Variants in PPP2R5E observed in about 807,000 individuals in gnomAD.
The protein encoded by PPP2R5E is serine/threonine-protein phosphatase 2A 56 kDa regulatory subunit epsilon isoform.
A neutral mutation model predicts 65.3 loss-of-function variants in PPP2R5E; 4 were observed. The observed-to-expected ratio is 0.06, with a 90% CI of 0.03 to 0.14. PPP2R5E has a LOEUF of 0.14. Among genes scored for constraint, PPP2R5E ranks in the 10% least tolerant of loss-of-function variants. The probability of loss-of-function intolerance (pLI) is 1.00; values close to 1 mark genes in which losing one functional copy is unlikely to be tolerated. For synonymous variants in PPP2R5E, 183 were observed against 187.4 expected, an observed-to-expected ratio of 0.98 and a Z score of 0.19; for missense variants, 274 against 556.1, an observed-to-expected ratio of 0.49 and a Z score of 5.10.
At chr14:63,483,401 A>G (rs1289554284) in intron 2 of PPP2R5E, among the ~76,000 whole-genome samples, 2 of 150,800 alleles carry the variant, frequency 1.3e-5, no homozygotes, top group Middle Eastern at 3.4e-3. Flanking sequence ...AAGTAGTGAT[A>G]TCTGAGCCAA....
intron 2 of PPP2R5E, among the ~76,000 whole-genome samples, chr14:63,494,841 G>A (rs1317617436): frequency 6.6e-6 from 1 of 151,928 alleles, no homozygotes; most frequent in East Asian, 1.9e-4. Flanking sequence ...AGGCTGCAAT[G>A]AGCCAAGATC....
intron 3 of PPP2R5E, among the ~76,000 whole-genome samples, chr14:63,449,742 C>T (rs1221928168): frequency 2.3e-5 from 3 of 130,808 alleles, no homozygotes; most frequent in African/African-American, 8.4e-5. Context: ...TACCTCTTAG[C>T]ACCACACAAA....
At position 63,450,688 on chromosome 14, in the gene PPP2R5E, T is replaced by A. The variant is rs141160931; in HGVS notation, c.354+3001A>T. Among the ~76,000 whole-genome samples, 1,421 of 152,066 alleles carry A rather than the reference T, an allele frequency of 9.3e-3. 29 individuals carry two copies. The highest frequency in any genetic ancestry group is 0.033 in the African/African-American group (1,358 of 41,440). ...GACCTGGACTAGGTAGGAGGTATTATGGATGCCACAGATATGTGCAGGACA... is the reference window on the plus strand; with the variant it reads ...GACCTGGACTAGGTAGGAGGTATTAAGGATGCCACAGATATGTGCAGGACA... On this transcript the variant is annotated intron_variant, in intron 3 of 13. Coordinates refer to ENST00000337537, the MANE Select transcript of PPP2R5E (RefSeq NM_006246.5).
At chr14:63,401,427 G>A (rs28695749) in intron 5 of PPP2R5E, among the ~76,000 whole-genome samples, 2,377 of 152,220 alleles carry the variant, frequency 0.016, 58 homozygotes, top group African/African-American at 0.054. Context: ...AAGCTGGAGC[G>A]TTTCCAAGGT....
At chr14:63,474,542 G>A (rs928288827) in intron 2 of PPP2R5E, among the ~76,000 whole-genome samples, 8 of 151,846 alleles carry the variant, frequency 5.3e-5, no homozygotes, top group African/African-American at 1.7e-4. Context: ...GCGCAGTGGT[G>A]TGCTCCTATA....
At chr14:63,399,440 C>T (rs1594830644) in intron 5 of PPP2R5E, among the ~76,000 whole-genome samples, 1 of 116,000 alleles carries the variant, frequency 8.6e-6, no homozygotes, top group Non-Finnish European at 1.6e-5. Flanking sequence ...AGTGCAGTGG[C>T]GCTATCTCGG....
chr14:63,421,398 T>G (rs1227479941), intron 4 of PPP2R5E, among the ~76,000 whole-genome samples: 2 of 152,172 alleles, frequency 1.3e-5, no homozygotes, highest in African/African-American at 4.8e-5. Flanking sequence ...GAAACAGAGA[T>G]GCAGTGATGC....
intron 2 of PPP2R5E, among the ~76,000 whole-genome samples, chr14:63,466,371 C>T (rs1206848485): frequency 1.3e-5 from 2 of 151,650 alleles, no homozygotes; most frequent in Non-Finnish European, 2.9e-5. Flanking sequence ...AGTATGAGAG[C>T]TTAAGCTCCT....
intron 10 of PPP2R5E, 21 bp from the exon 11 acceptor site, chr14:63,389,752 C>A: frequency 6.4e-7 from 1 of 1,565,626 alleles, no homozygotes; most frequent in Non-Finnish European, 8.6e-7. Context: ...AAGCAAAATA[C>A]AAGATGTGAG....
chr14:63,429,862 T>G (rs1887536593), intron 3 of PPP2R5E, among the ~76,000 whole-genome samples: 1 of 152,094 alleles, frequency 6.6e-6, no homozygotes, highest in South Asian at 2.1e-4. Flanking sequence ...TTTTGTATTT[T>G]TAGTAGAGAT....
Position 63,396,759 on chromosome 14 carries a change from A to G in PPP2R5E, c.550-43T>C. On this transcript the variant is annotated intron_variant, in intron 5 of 13. Transcript: ENST00000337537. Reference sequence around the variant, plus strand: ...CATTATAGCTGTCAAAGGCGGTTTCAGAAAAGGATTTAGGAATTCTATTAT... The same window carrying G: ...CATTATAGCTGTCAAAGGCGGTTTCGGAAAAGGATTTAGGAATTCTATTAT... 4 of 1,595,698 alleles carry G rather than the reference A, an allele frequency of 2.5e-6. No individual in the cohort carries two copies. The South Asian group carries it at 4.6e-5, about 18-fold the overall frequency.
chr14:63,475,704 C>T lies in PPP2R5E; in HGVS notation c.158-21819G>A, dbSNP rs73274694. Among the ~76,000 whole-genome samples the T allele has an allele frequency of 9.3e-3, 1,422 of 152,210 alleles. 21 individuals carry two copies. Among genetic ancestry groups the T allele is most frequent in the African/African-American group, 0.033 (1,367 of 41,530 alleles). The stretch of plus-strand genomic sequence containing the variant: ...AGGTATGAAGTCACAACATTTAACA[C>T]ACTTAATGATTTACAGAAAAACACT... On this transcript the variant is annotated intron_variant, in intron 2 of 13. Coordinates refer to ENST00000337537, the MANE Select transcript of PPP2R5E (RefSeq NM_006246.5).
At chr14:63,484,356 C>G (rs966634237) in intron 2 of PPP2R5E, among the ~76,000 whole-genome samples, 116 of 147,078 alleles carry the variant, frequency 7.9e-4, no homozygotes, top group African/African-American at 2.7e-3. Flanking sequence ...CTCACACACA[C>G]ACACACACAC....
intron 3 of PPP2R5E, among the ~76,000 whole-genome samples, chr14:63,439,842 C>A (rs1304823182): frequency 6.6e-6 from 1 of 152,198 alleles, no homozygotes; most frequent in Non-Finnish European, 1.5e-5. Context: ...GCTAACCAAC[C>A]AACCTAAGGA....
chr14:63,490,766 C>T (rs1022188978), intron 2 of PPP2R5E, among the ~76,000 whole-genome samples: 5 of 151,998 alleles, frequency 3.3e-5, no homozygotes, highest in African/African-American at 1.2e-4. Flanking sequence ...GAAAAAGGAA[C>T]GCTCATACAC....
intron 3 of PPP2R5E, among the ~76,000 whole-genome samples, chr14:63,449,332 T>C (rs1318452134): frequency 6.6e-6 from 1 of 152,206 alleles, no homozygotes; most frequent in Non-Finnish European, 1.5e-5. Context: ...GAAGTAACAG[T>C]GGGTTCCACC....
At chr14:63,488,006 C>T (rs1366951746) in intron 2 of PPP2R5E, among the ~76,000 whole-genome samples, 2 of 152,136 alleles carry the variant, frequency 1.3e-5, no homozygotes, top group Non-Finnish European at 2.9e-5. Context: ...AAATGAGACA[C>T]AAAACTGGGA....
At chr14:63,377,578 G>A in intron 13 of PPP2R5E, among the ~76,000 whole-genome samples, 1 of 152,094 alleles carries the variant, frequency 6.6e-6, no homozygotes, top group East Asian at 1.9e-4. Context: ...AGACCATATG[G>A]GAGCACAAAC....
intron 3 of PPP2R5E, among the ~76,000 whole-genome samples, chr14:63,430,353 A>ACATACATACATG (rs1566696277): frequency 7.6e-6 from 1 of 132,216 alleles, no homozygotes. Context: ...ATGTATACAT[A>ACATACATACATG]CATACATACA....
Sources: allele counts gnomAD v4.1 joint callset (sites outside exome capture counted in the v4.1 genomes callset), GRCh38; gene constraint gnomAD v4.1.1; transcripts MANE v1.5; gene names NCBI Gene and HGNC (gene_info 2026-07-23, HGNC 2026-07-21).